Variants in JKAMP observed in about 807,000 individuals in gnomAD.
JKAMP encodes the protein JNK1/MAPK8-associated membrane protein.
In JKAMP, 20 loss-of-function variants were observed where a neutral mutation model predicts 40.2. The observed-to-expected ratio is 0.50, with a 90% CI of 0.35 to 0.72. The LOEUF (loss-of-function observed/expected upper bound fraction) is 0.72. JKAMP is among the 30% of genes least tolerant of loss of function. JKAMP has a pLI of 0.01. For missense variants in JKAMP, 276 were observed against 373.0 expected, an observed-to-expected ratio of 0.74 and a Z score of 2.14; for synonymous variants, 138 against 131.6, an observed-to-expected ratio of 1.05 and a Z score of -0.33.
rs1349591642 is a variant in JKAMP at position 59,487,680 on chromosome 14, C to T, written c.103C>T (p.Pro35Ser). The change falls in exon 3 of 7, where the codon CCA becomes TCA. Residue 35 changes from proline (P) to serine (S), a missense_variant. Physicochemically the swap from Pro to Ser is moderately conservative, Grantham distance 74. Coordinates refer to ENST00000616435, the MANE Select transcript of JKAMP (RefSeq NM_016475.5). ...TEIYGECGVC[P>S]RGQRTNAQKY... The stretch of plus-strand genomic sequence containing the variant: ...TTGGTTTTATATATTATAGGTATGC[C>T]CAAGAGGACAGAGAACGAATGCACA... 2 of 1,611,580 alleles carry T rather than the reference C, an allele frequency of 1.2e-6. No homozygotes were observed. The highest frequency in any genetic ancestry group is 1.3e-5 in the African/African-American group (1 of 74,756).
chr14:59,499,102 C>T (rs1369557435), intron 5 of JKAMP, among the ~76,000 whole-genome samples, 194 bp downstream of exon 5: 1 of 140,664 alleles, frequency 7.1e-6, no homozygotes, highest in African/African-American at 2.7e-5. Flanking sequence ...CGGTTCACTG[C>T]AACCTCCGCC....
chr14:59,493,082 G>A (rs1216739058), intron 3 of JKAMP, among the ~76,000 whole-genome samples: 7 of 152,104 alleles, frequency 4.6e-5, no homozygotes, highest in Non-Finnish European at 1.0e-4. Flanking sequence ...ACAGGCGTGA[G>A]CCACCACGCC....
At chr14:59,484,846 C>T (rs1890404120) in intron 1 of JKAMP, 1 of 1,068,240 alleles carries the variant, frequency 9.4e-7, no homozygotes, top group Non-Finnish European at 1.3e-6. Flanking sequence ...CGAAATGTCT[C>T]TTCAGTCCCT....
chr14:59,500,975 A>G (rs1265511711), intron 5 of JKAMP: 1 of 480,440 alleles, frequency 2.1e-6, no homozygotes, highest in Non-Finnish European at 3.7e-6. Flanking sequence ...AGAGCTGGGT[A>G]ATCGAGACAG....
intron 3 of JKAMP, among the ~76,000 whole-genome samples, chr14:59,488,888 C>T (rs1488141909): frequency 6.6e-6 from 1 of 152,208 alleles, no homozygotes; most frequent in Non-Finnish European, 1.5e-5. Flanking sequence ...AACAAAACAA[C>T]AACAACAAAA....
chr14:59,485,389 T>A (rs1291385404), intron 1 of JKAMP: 5 of 345,064 alleles, frequency 1.4e-5, no homozygotes, highest in African/African-American at 2.1e-5. Flanking sequence ...AAAAGCTAAG[T>A]CCGAAATTTG....
In JKAMP at chr14:59,495,173, G is replaced by T. The variant is rs1566578884; in HGVS notation, c.407G>T (p.Ser136Ile). Residue 136 changes from serine to isoleucine, a missense_variant, in exon 4 of 7, where the codon AGT (serine) becomes ATT (isoleucine). Physicochemically the swap from Ser to Ile is moderately radical, Grantham distance 142 (BLOSUM62 -2). Transcript: ENST00000616435. ...SDWYTMLYNPSPDYVTTVHCT... is the reference protein window; with the variant it reads ...SDWYTMLYNPIPDYVTTVHCT... The stretch of plus-strand genomic sequence containing the variant: ...TGGTACACGATGCTTTACAACCCAA[G>T]TCCAGATTACGTTACCACAGTACAC... 2 of 1,613,792 alleles carry T rather than the reference G, an allele frequency of 1.2e-6. No individual in the cohort carries two copies. The highest frequency in any genetic ancestry group is 1.7e-6 in the Non-Finnish European group (2 of 1,179,770).
At chr14:59,484,797 G>A in intron 1 of JKAMP, 1 of 897,134 alleles carries the variant, frequency 1.1e-6, no homozygotes, top group Non-Finnish European at 1.7e-6. Context: ...GGGGAGGCGC[G>A]CTGTCTGCGG....
chr14:59,495,706 T>G (rs1194072962), intron 4 of JKAMP, among the ~76,000 whole-genome samples: 1 of 152,192 alleles, frequency 6.6e-6, no homozygotes, highest in Non-Finnish European at 1.5e-5. Flanking sequence ...TGATATTTTT[T>G]GGGGGAAAGG....
chr14:59,502,773 T>TGTTTTTTTTTTTTTTG (rs796697193), intron 6 of JKAMP, among the ~76,000 whole-genome samples: 2 of 102,834 alleles, frequency 1.9e-5, no homozygotes, highest in African/African-American at 7.8e-5. Context: ...TTTTTTTTTT[T>TGTTTTTTTTTTTTTTG]CGGAGTCTCA....
intron 2 of JKAMP, 43 bp from the exon 3 acceptor site, chr14:59,487,631 A>T: frequency 6.7e-7 from 1 of 1,499,674 alleles, no homozygotes; most frequent in Non-Finnish European, 9.3e-7. Context: ...TTAATGTTGT[A>T]AAATAATATC....
At chr14:59,503,264 GT>G (rs1413227954) in intron 6 of JKAMP, among the ~76,000 whole-genome samples, 1 of 152,152 alleles carries the variant, frequency 6.6e-6, no homozygotes, top group African/African-American at 2.4e-5. Context: ...TAACTAACCT[GT>G]TGCAAATTAC....
chr14:59,499,301 G>C (rs1269945), intron 5 of JKAMP, among the ~76,000 whole-genome samples: 80,862 of 151,536 alleles, frequency 0.53, 23,598 homozygotes, highest in African/African-American at 0.78. Flanking sequence ...AGTTCATGAC[G>C]AAATTAAAAT....
rs960645488 is a variant in JKAMP, at chr14:59,484,898, G to A, written c.4+305G>A. On this transcript the variant is annotated intron_variant, in intron 1 of 6. Transcript: ENST00000616435. ...GAACACTTGCTTGAGGGTTGACTTC[G>A]GAATTGAAAACGCGGGTGATAGTGC... 5.7e-6 allele frequency: 8 copies of A among 1,394,310 alleles called. No individual in the cohort carries two copies. In the African/African-American group the frequency reaches 1.2e-4, roughly 20 times the overall value. The allele number at this position is 1,394,310 out of a possible 1,614,324, so 86.4% of individuals were successfully genotyped here.
chr14:59,502,755 T>TGTTTTGTTTGGTTTTGTTTTTTTGTTTTG (rs67189643), intron 6 of JKAMP, among the ~76,000 whole-genome samples: 1 of 122,918 alleles, frequency 8.1e-6, no homozygotes, highest in Non-Finnish European at 1.6e-5. Context: ...ATGAGATTTT[T>TGTTTTGTTTGGTTTTGTTTTTTTGTTTTG]TTTTTTTTTT....
At chr14:59,502,755 T>TGTTTTTTTTTTTTTTGTTTTTG (rs67189643) in intron 6 of JKAMP, among the ~76,000 whole-genome samples, 11 of 122,916 alleles carry the variant, frequency 8.9e-5, no homozygotes, top group Non-Finnish European at 1.2e-4. Flanking sequence ...ATGAGATTTT[T>TGTTTTTTTTTTTTTTGTTTTTG]TTTTTTTTTT....
rs1211952050 is a variant in JKAMP, at chr14:59,489,195, A to G, written c.251+1367A>G. On this transcript the variant is annotated intron_variant, in intron 3 of 6. Transcript: ENST00000616435. ...TTAGACTCCGCTTTCCTTTTTAAGT[A>G]TAAGTCCCAATTTTTAAGTCATTCC... Among the ~76,000 whole-genome samples the G allele has an allele frequency of 1.4e-4, 8 of 58,318 alleles. No homozygotes were observed. In the Admixed American group the frequency reaches 1.5e-3, roughly 11 times the overall value. The allele number at this position is 58,318 out of a possible 152,430, so 38.3% of individuals were successfully genotyped here. A position where few individuals can be genotyped will look rare whatever the true frequency, so the allele number is the denominator to read the frequency against.
intron 3 of JKAMP, among the ~76,000 whole-genome samples, chr14:59,488,042 C>G (rs1452512813): frequency 2.6e-5 from 4 of 152,114 alleles, no homozygotes. Context: ...GTTTTACTCT[C>G]AGTGATCTTG....
intron 6 of JKAMP, among the ~76,000 whole-genome samples, chr14:59,502,634 C>T (rs574997609): frequency 2.6e-5 from 4 of 152,042 alleles, no homozygotes; most frequent in African/African-American, 7.2e-5. Context: ...CATCTTTAAC[C>T]AGCATTGAAA....
Sources: gnomAD v4.1 joint callset for allele counts (sites outside exome capture counted in the v4.1 genomes callset) on GRCh38, gnomAD v4.1.1 for gene constraint, MANE v1.5 for transcripts, NCBI Gene and HGNC (gene_info 2026-07-23, HGNC 2026-07-21) for gene names.